Variants in ELF2 observed in about 807,000 individuals in gnomAD.
ELF2 encodes the protein E74 like ETS transcription factor 2, also known as ETS-related transcription factor Elf-2.
In ELF2, 11 loss-of-function variants were observed where a neutral mutation model predicts 54.8. The ratio of observed to expected loss-of-function variants is 0.20; its 90% CI spans 0.13 to 0.33. ELF2 has a LOEUF of 0.33. ELF2 is among the 10% of genes least tolerant of loss of function. The pLI is 1.00. For synonymous variants in ELF2, 203 were observed against 245.1 expected (o/e 0.83, Z 1.61); for missense variants, 513 against 703.0 (o/e 0.73, Z 3.06).
At chr4:139,084,435 C>G in intron 4 of ELF2, 1 of 1,176,494 alleles carries the variant, frequency 8.5e-7, no homozygotes, top group Non-Finnish European at 1.1e-6. Context: ...GCGGCAGGGG[C>G]AGGGGCGGCG....
chr4:139,062,831 T>C (rs1443378707), intron 7 of ELF2, among the ~76,000 whole-genome samples: 1 of 152,224 alleles, frequency 6.6e-6, no homozygotes, highest in Non-Finnish European at 1.5e-5. Context: ...GAAACTTACT[T>C]TTCTTTGATT....
intron 4 of ELF2, among the ~76,000 whole-genome samples, chr4:139,078,618 C>T (rs1730650142): frequency 6.7e-6 from 1 of 149,434 alleles, no homozygotes; most frequent in Admixed American, 6.7e-5. Context: ...GAGCGAACTG[C>T]CCTCTGCAAG....
At chr4:139,134,294 A>C (rs547947790) in intron 3 of ELF2, among the ~76,000 whole-genome samples, 1 of 151,962 alleles carries the variant, frequency 6.6e-6, no homozygotes, top group Admixed American at 6.5e-5. Flanking sequence ...GGGATTAAAA[A>C]AAAAATTGAT....
chr4:139,143,150 C>T (rs1316457308), intron 1 of ELF2, among the ~76,000 whole-genome samples: 3 of 152,174 alleles, frequency 2.0e-5, no homozygotes, highest in Non-Finnish European at 2.9e-5. Flanking sequence ...TGGTTAATTT[C>T]GGTCATTCTA....
At chr4:139,118,642 G>A (rs1423862288) in intron 4 of ELF2, among the ~76,000 whole-genome samples, 2 of 151,578 alleles carry the variant, frequency 1.3e-5, no homozygotes, top group African/African-American at 2.4e-5. Context: ...ATCAAGGAAG[G>A]AATGACAAGG....
chr4:139,092,903 A>C (rs1166241261), intron 4 of ELF2, among the ~76,000 whole-genome samples: 2 of 152,028 alleles, frequency 1.3e-5, no homozygotes, highest in African/African-American at 2.4e-5. Context: ...AACTACTAGA[A>C]GTATATAAAA....
chr4:139,117,156 T>G (rs187422561), intron 4 of ELF2, among the ~76,000 whole-genome samples: 1 of 152,286 alleles, frequency 6.6e-6, no homozygotes, highest in East Asian at 1.9e-4. Context: ...CTGTCCCCAG[T>G]GGTCAGAAGA....
At chr4:139,114,573 A>AGT (rs1735367615) in intron 4 of ELF2, among the ~76,000 whole-genome samples, 3 of 129,258 alleles carry the variant, frequency 2.3e-5, no homozygotes, top group Non-Finnish European at 5.1e-5. Context: ...ACACACACAC[A>AGT]CACACACACA....
intron 1 of ELF2, among the ~76,000 whole-genome samples, chr4:139,164,407 G>A (rs191748949): frequency 6.6e-6 from 1 of 152,194 alleles, no homozygotes; most frequent in Non-Finnish European, 1.5e-5. Flanking sequence ...AGGCGGAGGC[G>A]GGTGGATCAC....
chr4:139,114,182 C>T (rs1483887310), intron 4 of ELF2, among the ~76,000 whole-genome samples: 1 of 152,184 alleles, frequency 6.6e-6, no homozygotes, highest in Admixed American at 6.5e-5. Context: ...TTTCTATATA[C>T]TCCATAATTT....
At position 139,137,767 on chromosome 4, in the gene ELF2, C is replaced by T; in HGVS notation, c.-66G>A. Reference sequence around the variant, plus strand: ...AAATTAAAGGTTCACTGATGGTTGCCAGTGTTATAGGTTTGCATTATCATG... The same window carrying T: ...AAATTAAAGGTTCACTGATGGTTGCTAGTGTTATAGGTTTGCATTATCATG... On this transcript the variant is annotated 5_prime_UTR_variant, in exon 3 of 10. Transcript: ENST00000686138. 6.2e-7 allele frequency: 1 copy of T among 1,604,894 alleles called. No individual in the cohort carries two copies. Among genetic ancestry groups the T allele is most frequent in the South Asian group, 1.1e-5 (1 of 89,712 alleles).
chr4:139,084,305 TCACGCACTCG>T, intron 4 of ELF2: 2 of 1,559,624 alleles, frequency 1.3e-6, no homozygotes, highest in Non-Finnish European at 1.7e-6. Flanking sequence ...CGACACACAC[TCACGCACTCG>T]CACACACTCC....
At chr4:139,144,927 GAC>G (rs1739079860) in intron 1 of ELF2, among the ~76,000 whole-genome samples, 1 of 152,182 alleles carries the variant, frequency 6.6e-6, no homozygotes, top group Non-Finnish European at 1.5e-5. Flanking sequence ...TAACACAAAA[GAC>G]AGAAACTTTG....
At chr4:139,089,000 G>A (rs1379749192) in intron 4 of ELF2, among the ~76,000 whole-genome samples, 1 of 152,096 alleles carries the variant, frequency 6.6e-6, no homozygotes, top group Admixed American at 6.5e-5. Context: ...CAGGTGATCT[G>A]CCCACCTCGG....
At chr4:139,075,040 C>T (rs1263609623) in intron 4 of ELF2, among the ~76,000 whole-genome samples, 2 of 152,154 alleles carry the variant, frequency 1.3e-5, no homozygotes, top group African/African-American at 2.4e-5. Context: ...TATAATTAAC[C>T]TCGCTCTCTT....
At chr4:139,076,188 C>G (rs1730290030) in intron 4 of ELF2, among the ~76,000 whole-genome samples, 1 of 152,152 alleles carries the variant, frequency 6.6e-6, no homozygotes, top group Admixed American at 6.5e-5. Context: ...GGTACTGGGT[C>G]TCTCCAGTTG....
Position 139,068,618 on chromosome 4 carries a change from G to C in ELF2, c.527-848C>G, listed in dbSNP as rs111798760. On this transcript the variant is annotated intron_variant, in intron 6 of 9. Coordinates refer to ENST00000686138, the MANE Select transcript of ELF2 (RefSeq NM_001331036.3). ...AAGTGATTTCATATGTCTAATAAAG[G>C]TTTGTGTCCTTCCCTTTTGTTCCTC... Among the ~76,000 whole-genome samples the C allele has an allele frequency of 2.3e-3, 354 of 152,274 alleles. 2 individuals carry two copies. Among genetic ancestry groups the C allele is most frequent in the African/African-American group, 8.1e-3 (338 of 41,562 alleles).
chr4:139,174,424 G>A (rs2061284994), intron 1 of ELF2, among the ~76,000 whole-genome samples: 1 of 152,126 alleles, frequency 6.6e-6, no homozygotes, highest in Admixed American at 6.6e-5. Flanking sequence ...AGGACTGGGA[G>A]TGCTGAGGGA....
At position 139,084,328 on chromosome 4, in the gene ELF2, C is replaced by A. The variant is rs1426607350; in HGVS notation, c.239-10761G>T. On this transcript the variant is annotated intron_variant, in intron 4 of 9. Transcript: ENST00000686138. ...ACTCACGCACTCGCACACACTCCGA[C>A]GCCCGGATCCTTGCGCGTCCTCCGA... is the stretch of plus-strand genomic sequence containing the variant. The A allele has an allele frequency of 1.1e-5, 17 of 1,553,194 alleles. No individual in the cohort carries two copies. In the East Asian group the frequency reaches 3.9e-4, roughly 36 times the overall value.
Sources: allele counts gnomAD v4.1 joint callset (sites outside exome capture counted in the v4.1 genomes callset), GRCh38; gene constraint gnomAD v4.1.1; transcripts MANE v1.5; gene names NCBI Gene and HGNC (gene_info 2026-07-23, HGNC 2026-07-21).